Variants in STIM1 observed in about 807,000 individuals in gnomAD.
STIM1 encodes stromal interaction molecule 1.
A neutral mutation model predicts 74.7 loss-of-function variants in STIM1; 25 were observed. The ratio of observed to expected loss-of-function variants is 0.33; its 90% CI spans 0.24 to 0.47. The LOEUF is 0.47. STIM1 is among the 20% of genes least tolerant of loss of function. The probability of loss-of-function intolerance (pLI) is 1.00; values close to 1 mark genes in which losing one functional copy is unlikely to be tolerated. For synonymous variants in STIM1, 328 were observed against 348.8 expected, an observed-to-expected ratio of 0.94 and a Z score of 0.66; for missense variants, 728 against 920.8, an observed-to-expected ratio of 0.79 and a Z score of 2.71.
chr11:4,073,984 C>T (rs2094422007), intron 6 of STIM1, among the ~76,000 whole-genome samples: 1 of 152,080 alleles, frequency 6.6e-6, no homozygotes. Flanking sequence ...TTAGGTTTTC[C>T]CTGGATCTTT....
chr11:3,965,884 G>A (rs2135729787), intron 1 of STIM1, among the ~76,000 whole-genome samples: 1 of 152,290 alleles, frequency 6.6e-6, no homozygotes, highest in African/African-American at 2.4e-5. Flanking sequence ...GCGCATGCCT[G>A]TAATCCCAGC....
chr11:4,056,055 G>A (rs1479168187), intron 4 of STIM1, among the ~76,000 whole-genome samples: 1 of 152,206 alleles, frequency 6.6e-6, no homozygotes, highest in East Asian at 1.9e-4. Flanking sequence ...TTGAATCTTG[G>A]TGTACATCAA....
chr11:3,945,096 C>T (rs2093056294), intron 1 of STIM1, among the ~76,000 whole-genome samples: 1 of 152,132 alleles, frequency 6.6e-6, no homozygotes, highest in Admixed American at 6.6e-5. Context: ...GGGTTTGAAT[C>T]CTTACTTTTA....
At chr11:3,932,989 T>G (rs2092888260) in intron 1 of STIM1, among the ~76,000 whole-genome samples, 1 of 152,198 alleles carries the variant, frequency 6.6e-6, no homozygotes, top group African/African-American at 2.4e-5. Flanking sequence ...GAAGGAGCTT[T>G]TTGGCTGAGG....
rs540083251 is a variant in STIM1 at position 4,065,847 on chromosome 11, T to C, written c.614-4179T>C. 2.0e-5 allele frequency among the ~76,000 whole-genome samples: 3 copies of C among 152,264 alleles called. No individual in the cohort carries two copies. The South Asian group carries it at 6.2e-4, about 32-fold the overall frequency. On this transcript the variant is annotated intron_variant, in intron 5 of 12. Transcript: ENST00000526596. ...AAGGCTGTGTAAATGACAAAAGAAA[T>C]TCCTACTACATATTTTGGCAGTGAG...
intron 1 of STIM1, among the ~76,000 whole-genome samples, chr11:3,913,590 A>T (rs965150376): frequency 6.6e-6 from 1 of 152,082 alleles, no homozygotes; most frequent in Non-Finnish European, 1.5e-5. Context: ...TTAATTCCTG[A>T]TGCCTGGATG....
At chr11:4,040,440 C>T (rs79507865) in intron 3 of STIM1, among the ~76,000 whole-genome samples, 2 of 152,178 alleles carry the variant, frequency 1.3e-5, no homozygotes, top group Non-Finnish European at 2.9e-5. Flanking sequence ...CTGTTTAAAA[C>T]TCAATTAATC....
In STIM1 at chr11:4,082,039, A is replaced by G; in HGVS notation, c.970-145A>G. The G allele has an allele frequency of 1.1e-5, 10 of 939,352 alleles. No individual in the cohort carries two copies. The South Asian group carries it at 1.5e-4, about 14-fold the overall frequency. 58.2% of individuals were successfully genotyped at this position (939,352 alleles called of 1,614,324 possible). A position where few individuals can be genotyped will look rare whatever the true frequency, so the allele number is the denominator to read the frequency against. ...CTTCGCTGAGCTTGCTTTCTTCTATATAAAATACGGAAAATAATCCTTACC... is the reference window on the plus strand; with the variant it reads ...CTTCGCTGAGCTTGCTTTCTTCTATGTAAAATACGGAAAATAATCCTTACC... On this transcript the variant is annotated intron_variant, in intron 7 of 12. Coordinates refer to ENST00000526596, the MANE Select transcript of STIM1 (RefSeq NM_001382567.1).
At chr11:4,024,952 C>T (rs755807898) in intron 3 of STIM1, among the ~76,000 whole-genome samples, 4 of 152,114 alleles carry the variant, frequency 2.6e-5, no homozygotes, top group Non-Finnish European at 5.9e-5. Context: ...ATCTCTCTTC[C>T]CAGGGTCTCT....
At chr11:4,013,690 C>CTTTTTTTTTTTTT (rs1169600270) in intron 2 of STIM1, among the ~76,000 whole-genome samples, 3 of 51,926 alleles carry the variant, frequency 5.8e-5, no homozygotes, top group Admixed American at 2.9e-4. Flanking sequence ...TCATTGATTT[C>CTTTTTTTTTTTTT]TTTTTTTTTT....
chr11:3,884,975 T>C (rs1054002550), intron 1 of STIM1, among the ~76,000 whole-genome samples: 2 of 152,070 alleles, frequency 1.3e-5, no homozygotes, highest in Non-Finnish European at 2.9e-5. Flanking sequence ...AGTAGATTAG[T>C]GGTTGCCAGG....
chr11:4,004,988 A>G (rs2093762744), intron 2 of STIM1, among the ~76,000 whole-genome samples: 1 of 152,266 alleles, frequency 6.6e-6, no homozygotes, highest in South Asian at 2.1e-4. Flanking sequence ...GAAAATGCTC[A>G]TCATCACTGG....
intron 12 of STIM1, among the ~76,000 whole-genome samples, chr11:4,088,342 T>G (rs1265966239): frequency 2.0e-5 from 3 of 152,186 alleles, no homozygotes; most frequent in Non-Finnish European, 4.4e-5. Flanking sequence ...TCTGTTGCTT[T>G]TTTTTAGTTC....
intron 2 of STIM1, among the ~76,000 whole-genome samples, chr11:4,001,475 C>G (rs527767635): frequency 9.9e-5 from 15 of 152,264 alleles, no homozygotes; most frequent in East Asian, 3.9e-4. Flanking sequence ...AATTTCATAT[C>G]CAGCCAAACT....
chr11:3,918,226 G>T (rs1425423018), intron 1 of STIM1, among the ~76,000 whole-genome samples: 2 of 152,086 alleles, frequency 1.3e-5, no homozygotes, highest in African/African-American at 2.4e-5. Context: ...CTTATTGAAA[G>T]ATACAACAGG....
intron 2 of STIM1, chr11:3,973,053 G>T: frequency 2.2e-6 from 1 of 454,718 alleles, no homozygotes; most frequent in Admixed American, 2.4e-5. Context: ...TGACACTCCT[G>T]CTGTAGCCAC....
At chr11:3,894,787 G>A (rs1028931752) in intron 1 of STIM1, among the ~76,000 whole-genome samples, 5 of 152,062 alleles carry the variant, frequency 3.3e-5, no homozygotes, top group Non-Finnish European at 7.4e-5. Flanking sequence ...TGCCCAGGCT[G>A]GAGTACAGTG....
intron 2 of STIM1, among the ~76,000 whole-genome samples, chr11:3,987,388 G>A (rs530049070): frequency 5.9e-5 from 9 of 152,296 alleles, no homozygotes; most frequent in African/African-American, 2.2e-4. Context: ...CACTTCATAA[G>A]CTTTGTGATT....
rs539095440 is a variant in STIM1, at chr11:3,893,211, T to A, written c.139+36802T>A. On this transcript the variant is annotated intron_variant, in intron 1 of 12. Transcript: ENST00000526596. Reference sequence around the variant, plus strand: ...CAATATAGAGGGATGTTTGTATGAATCCCCTAAGGCTATTATGTGTTATTT... The same window carrying A: ...CAATATAGAGGGATGTTTGTATGAAACCCCTAAGGCTATTATGTGTTATTT... 2.0e-5 allele frequency among the ~76,000 whole-genome samples: 3 copies of A among 152,348 alleles called. No homozygotes were observed. The East Asian group carries it at 5.8e-4, about 29-fold the overall frequency.
Sources: gnomAD v4.1 joint callset for allele counts (sites outside exome capture counted in the v4.1 genomes callset) on GRCh38, gnomAD v4.1.1 for gene constraint, MANE v1.5 for transcripts, NCBI Gene and HGNC (gene_info 2026-07-23, HGNC 2026-07-21) for gene names.